TRIM24: variants seen among roughly 807,000 people sequenced by gnomAD.
The protein encoded by TRIM24 is transcription intermediary factor 1-alpha.
In TRIM24, 29 loss-of-function variants were observed where a neutral mutation model predicts 123.9. The observed-to-expected ratio is 0.23, with a 90% CI of 0.17 to 0.32. The LOEUF (loss-of-function observed/expected upper bound fraction) is 0.32, where lower values mean the gene tolerates loss of function less well. Among genes scored for constraint, TRIM24 ranks in the 10% least tolerant of loss-of-function variants. The pLI, the probability that TRIM24 is intolerant of heterozygous loss-of-function variation, is 1.00. For synonymous variants in TRIM24, 456 were observed against 461.1 expected (o/e 0.99, Z 0.14); for missense variants, 932 against 1,295.3 (o/e 0.72, Z 4.31).
Position 138,579,360 on chromosome 7 carries a change from T to C in TRIM24, c.2413T>C (p.Leu805=), listed in dbSNP as rs994977587. Residue 805 remains leucine, a synonymous_variant, in exon 15 of 19, where the codon TTG becomes CTG. Transcript: ENST00000343526. ...DNSSNGKSEW[L]DPSQKSPLHV... is the part of the protein sequence containing the mutation. ...TTCCTCAAATGGAAAGTCTGAATGG[T>C]TGGATCCTTCCCAGAAGTCACCTCT... is the stretch of plus-strand genomic sequence containing the variant. 30 of 1,613,994 alleles carry C rather than the reference T, an allele frequency of 1.9e-5. No homozygotes were observed. Among genetic ancestry groups the C allele is most frequent in the Middle Eastern group, 1.6e-4 (1 of 6,084 alleles).
chr7:138,540,226 A>G (rs982464153), intron 7 of TRIM24, among the ~76,000 whole-genome samples: 1 of 152,210 alleles, frequency 6.6e-6, no homozygotes, highest in East Asian at 1.9e-4. Flanking sequence ...CTGTGTCAAT[A>G]TCTTAAAATA....
At chr7:138,531,792 C>T (rs187381231) in intron 6 of TRIM24, among the ~76,000 whole-genome samples, 75 of 152,328 alleles carry the variant, frequency 4.9e-4, no homozygotes, top group Non-Finnish European at 5.9e-4. Flanking sequence ...GGAATCGCCA[C>T]GCTGTCTTCC....
At chr7:138,467,798 A>G in intron 1 of TRIM24, among the ~76,000 whole-genome samples, 1 of 152,192 alleles carries the variant, frequency 6.6e-6, no homozygotes, top group East Asian at 1.9e-4. Flanking sequence ...ATGATATCGT[A>G]TATGATATTT....
intron 1 of TRIM24, among the ~76,000 whole-genome samples, chr7:138,474,799 TTTTG>T (rs1251474547): frequency 1.3e-5 from 2 of 152,236 alleles, no homozygotes; most frequent in Non-Finnish European, 2.9e-5. Context: ...CCATTGGTCT[TTTTG>T]TTTATCTTTA....
At chr7:138,520,524 C>A (rs920415112) in intron 4 of TRIM24, among the ~76,000 whole-genome samples, 2 of 151,902 alleles carry the variant, frequency 1.3e-5, no homozygotes, top group Non-Finnish European at 2.9e-5. Context: ...ATAGTGAGAC[C>A]CCATCCCCAC....
At chr7:138,462,416 C>A (rs868807786) in intron 1 of TRIM24, among the ~76,000 whole-genome samples, 2 of 150,008 alleles carry the variant, frequency 1.3e-5, no homozygotes, top group Non-Finnish European at 3.0e-5. Context: ...TCTCGGCTCA[C>A]TGCAAGCTCC....
intron 1 of TRIM24, chr7:138,491,455 C>G (rs925595205): frequency 6.5e-6 from 1 of 154,224 alleles, no homozygotes; most frequent in African/African-American, 2.4e-5. Context: ...CTTTTCTGGT[C>G]TGACTTATTT....
rs770349633 is a variant in TRIM24 at position 138,585,987 on chromosome 7, GAATT to G, written c.*1040_*1043del. The G allele has an allele frequency of 8.7e-6, 4 of 460,612 alleles. No individual in the cohort carries two copies. Among genetic ancestry groups the G allele is most frequent in the Non-Finnish European group, 1.7e-5 (4 of 231,902 alleles). 28.5% of individuals were successfully genotyped at this position (460,612 alleles called of 1,614,324 possible). A position where few individuals can be genotyped will look rare whatever the true frequency, so the allele number is the denominator to read the frequency against. ...GATTTTGGGAGCAGGCAGCTGGGGG[GAATT>G]AATAGTGATTTTTTTTTTTTCCTGA... is the stretch of plus-strand genomic sequence containing the variant. On this transcript the variant is annotated 3_prime_UTR_variant, in exon 19 of 19. Transcript: ENST00000343526.
At chr7:138,575,735 T>TTTAA in intron 12 of TRIM24, among the ~76,000 whole-genome samples, 1 of 152,244 alleles carries the variant, frequency 6.6e-6, no homozygotes, top group South Asian at 2.1e-4. Flanking sequence ...CTTGGCTGCT[T>TTTAA]TTAATTAGAT....
In TRIM24 at chr7:138,554,323, GATA is replaced by G. The variant is rs542277436; in HGVS notation, c.1262-372_1262-370del. On this transcript the variant is annotated intron_variant, in intron 8 of 18. Coordinates refer to ENST00000343526, the MANE Select transcript of TRIM24 (RefSeq NM_015905.3). This position sits in a 1 kb window ranked among gnomAD's most constrained non-coding sequence, Gnocchi z 4.5. ...TATTATGATAGATAGTGCAGAAACA[GATA>G]ATGTGATTTCAGCTATTAAGCCAGA... Among the ~76,000 whole-genome samples the G allele has an allele frequency of 1.8e-3, 280 of 152,258 alleles. No homozygotes were observed. Among genetic ancestry groups the G allele is most frequent in the African/African-American group, 6.3e-3 (263 of 41,542 alleles).
chr7:138,568,355 T>C (rs141298083), intron 10 of TRIM24, among the ~76,000 whole-genome samples: 2 of 140,974 alleles, frequency 1.4e-5, no homozygotes, highest in African/African-American at 5.1e-5. Context: ...TCTCCTAAAC[T>C]CGTAAGCCAC....
At chr7:138,584,203 A>T (rs765771451) in intron 18 of TRIM24, among the ~76,000 whole-genome samples, 3 of 152,342 alleles carry the variant, frequency 2.0e-5, no homozygotes, top group Non-Finnish European at 4.4e-5. Flanking sequence ...TGGAAATGCA[A>T]ATTACAGCTG....
At chr7:138,572,340 G>T (rs543615329) in intron 11 of TRIM24, among the ~76,000 whole-genome samples, 1 of 152,076 alleles carries the variant, frequency 6.6e-6, no homozygotes, top group Non-Finnish European at 1.5e-5. Context: ...AGTCATTCTA[G>T]TACTTTTTGT....
intron 1 of TRIM24, among the ~76,000 whole-genome samples, chr7:138,487,550 A>G (rs1238649707): frequency 1.3e-5 from 2 of 152,180 alleles, no homozygotes; most frequent in Non-Finnish European, 2.9e-5. Flanking sequence ...AGTTTTTAGC[A>G]TGAAGGGCTG....
intron 17 of TRIM24, 23 bp downstream of exon 17, chr7:138,581,794 G>A (rs761828257): frequency 2.5e-6 from 4 of 1,581,468 alleles, no homozygotes; most frequent in Non-Finnish European, 2.6e-6. Context: ...GTCATTTTCT[G>A]CATGTTTACA....
chr7:138,583,963 T>G lies in TRIM24; in HGVS notation c.2907T>G (p.Phe969Leu). 3 of 1,609,536 alleles carry G rather than the reference T, an allele frequency of 1.9e-6. No homozygotes were observed. The South Asian group carries it at 3.4e-5, about 18-fold the overall frequency. ...AACCTGAAGATTTTGTAGCTGATTTTAGATTGATCTTTCAAAACTGTGCTG... is the reference window on the plus strand; with the variant it reads ...AACCTGAAGATTTTGTAGCTGATTTGAGATTGATCTTTCAAAACTGTGCTG... The part of the protein sequence containing the change: ...YSKPEDFVAD[F>L]RLIFQNCAEF... The change falls in exon 18 of 19, where the codon TTT becomes TTG. Residue 969 changes from phenylalanine to leucine, a missense_variant. Around this residue, in one of 7 missense-constraint regions of TRIM24, gnomAD observed 104 missense variants for 121.5 expected, o/e 0.86. Transcript: ENST00000343526.
At chr7:138,491,309 C>CT in intron 1 of TRIM24, 1 of 211,044 alleles carries the variant, frequency 4.7e-6, no homozygotes. Flanking sequence ...GATCAACTAC[C>CT]TTTTTGGCTC....
intron 1 of TRIM24, among the ~76,000 whole-genome samples, chr7:138,478,440 A>G (rs1436523652): frequency 6.6e-6 from 1 of 152,094 alleles, no homozygotes; most frequent in Admixed American, 6.6e-5. Flanking sequence ...CTAATTCAAG[A>G]CCAGCCTGAG....
intron 9 of TRIM24, among the ~76,000 whole-genome samples, chr7:138,558,996 G>A (rs987734623): frequency 6.6e-6 from 1 of 152,206 alleles, no homozygotes; most frequent in African/African-American, 2.4e-5. Context: ...ACCACTACAG[G>A]ATTGCTACCT....
Sources: allele counts gnomAD v4.1 joint callset (sites outside exome capture counted in the v4.1 genomes callset), GRCh38; gene constraint gnomAD v4.1.1; regional missense constraint gnomAD v4.1.1; non-coding constraint Gnocchi (gnomAD v3.1); transcripts MANE v1.5; gene names NCBI Gene and HGNC (gene_info 2026-07-23, HGNC 2026-07-21).